The following MDGA2 variants were observed in gnomAD, a reference collection of about 807,000 sequenced individuals.
The protein encoded by MDGA2 is MAM domain containing glycosylphosphatidylinositol anchor 2.
Under a neutral mutation model 117.8 loss-of-function variants are expected in MDGA2, and 40 were observed. The observed-to-expected ratio is 0.34, with a 90% CI of 0.26 to 0.44. The LOEUF is 0.44. Ranked by LOEUF, MDGA2 falls within the 20% of genes least tolerant of loss-of-function variation. The pLI is 1.00. For synonymous variants in MDGA2, 452 were observed against 439.0 expected (o/e 1.03, Z -0.37); for missense variants, 1,123 against 1,250.6 (o/e 0.90, Z 1.54).
chr14:47,142,748 G>A (rs1176310288), intron 4 of MDGA2, among the ~76,000 whole-genome samples: 1 of 152,114 alleles, frequency 6.6e-6, no homozygotes, highest in Non-Finnish European at 1.5e-5. Flanking sequence ...CTGCCTGCTG[G>A]CAGAGAACAC....
intron 1 of MDGA2, among the ~76,000 whole-genome samples, chr14:47,394,642 G>C (rs12896626): frequency 7.2e-5 from 11 of 152,128 alleles, no homozygotes; most frequent in African/African-American, 2.4e-4. Context: ...CTCTATATTT[G>C]TTACTGGTCT....
intron 1 of MDGA2, among the ~76,000 whole-genome samples, chr14:47,445,242 A>G (rs755014684): frequency 6.6e-6 from 1 of 152,128 alleles, no homozygotes; most frequent in Non-Finnish European, 1.5e-5. Context: ...CTGAAGATCA[A>G]TGTTGACTAT....
At chr14:47,555,735 C>G (rs1418493917) in intron 1 of MDGA2, among the ~76,000 whole-genome samples, 2 of 152,162 alleles carry the variant, frequency 1.3e-5, no homozygotes, top group Admixed American at 6.5e-5. Flanking sequence ...ATTAAGTTGA[C>G]AAAAACTCCA....
At chr14:47,447,214 G>C (rs567622889) in intron 1 of MDGA2, among the ~76,000 whole-genome samples, 3 of 152,112 alleles carry the variant, frequency 2.0e-5, no homozygotes, top group African/African-American at 7.2e-5. Context: ...ATACTTTCCC[G>C]CATACCCTAC....
chr14:47,610,528 A>G (rs1235680875), intron 1 of MDGA2, among the ~76,000 whole-genome samples: 7 of 152,090 alleles, frequency 4.6e-5, no homozygotes, highest in African/African-American at 1.4e-4. Flanking sequence ...AACCAAGCGG[A>G]GAATCAAATC....
chr14:47,261,519 G>A (rs912839590), intron 2 of MDGA2, among the ~76,000 whole-genome samples: 3 of 152,148 alleles, frequency 2.0e-5, no homozygotes, highest in South Asian at 2.1e-4. Context: ...TGTTAAAGCA[G>A]ATGGCCTAAG....
At position 47,364,498 on chromosome 14, in the gene MDGA2, T is replaced by C. The variant is rs185209847; in HGVS notation, c.281-62948A>G. Among the ~76,000 whole-genome samples the C allele has an allele frequency of 4.1e-3, 620 of 152,248 alleles. 2 individuals carry two copies. Among genetic ancestry groups the C allele is most frequent in the African/African-American group, 0.014 (597 of 41,570 alleles). On this transcript the variant is annotated intron_variant, in intron 1 of 16. Coordinates refer to ENST00000399232, the MANE Select transcript of MDGA2 (RefSeq NM_001113498.3). ...CCAGAATGGTCTCGATCTCCTGACA[T>C]TGTGATCCACCCGCCTCGGCCTCCC...
At chr14:47,573,123 A>G (rs1955798) in intron 1 of MDGA2, among the ~76,000 whole-genome samples, 113,799 of 151,914 alleles carry the variant, frequency 0.75, 43,027 homozygotes, top group East Asian at 1. Flanking sequence ...GCGTAATCCC[A>G]TAACCAAATA....
At chr14:47,298,576 T>G (rs1286861202) in intron 2 of MDGA2, among the ~76,000 whole-genome samples, 1 of 152,056 alleles carries the variant, frequency 6.6e-6, no homozygotes, top group Admixed American at 6.6e-5. Flanking sequence ...CAGGACCAGC[T>G]GCCAACAGCA....
chr14:46,993,405 T>C (rs1184511943), intron 8 of MDGA2, among the ~76,000 whole-genome samples: 2 of 152,044 alleles, frequency 1.3e-5, no homozygotes, highest in African/African-American at 4.8e-5. Flanking sequence ...CCACTGATGA[T>C]AAATAATACT....
rs142861786 is a variant in MDGA2 at position 46,978,250 on chromosome 14, A to G, written c.1820-20607T>C. Among the ~76,000 whole-genome samples the G allele has an allele frequency of 3.9e-5, 6 of 152,122 alleles. No individual in the cohort carries two copies. In the East Asian group the frequency reaches 9.7e-4, roughly 24 times the overall value. The stretch of plus-strand genomic sequence containing the variant: ...TTTGTCTATTATAACAAAGATAAAC[A>G]TTCAGATGAAAAATATGTTAGGAAC... On this transcript the variant is annotated intron_variant, in intron 8 of 16. Transcript: ENST00000399232.
intron 2 of MDGA2, among the ~76,000 whole-genome samples, chr14:47,236,878 C>T (rs1886882750): frequency 6.6e-6 from 1 of 152,156 alleles, no homozygotes; most frequent in Admixed American, 6.5e-5. Flanking sequence ...TCTAACTTTG[C>T]TTGCAAAATA....
At chr14:47,105,789 C>G (rs1343288464) in intron 5 of MDGA2, among the ~76,000 whole-genome samples, 4 of 151,684 alleles carry the variant, frequency 2.6e-5, no homozygotes, top group Non-Finnish European at 5.9e-5. Context: ...CCCCAAGCAT[C>G]GCTGAGTCTT....
chr14:47,548,856 G>T (rs915183709), intron 1 of MDGA2, among the ~76,000 whole-genome samples: 1 of 151,994 alleles, frequency 6.6e-6, no homozygotes, highest in Non-Finnish European at 1.5e-5. Context: ...GTCCTTTAAA[G>T]TTGTAGTCAG....
chr14:47,023,716 G>T (rs1888375117), intron 8 of MDGA2, among the ~76,000 whole-genome samples: 1 of 152,076 alleles, frequency 6.6e-6, no homozygotes, highest in South Asian at 2.1e-4. Context: ...ATAATTAAAA[G>T]GAATTACTAT....
chr14:47,370,079 T>TTTA (rs1891312889), intron 1 of MDGA2, among the ~76,000 whole-genome samples: 2 of 152,028 alleles, frequency 1.3e-5, no homozygotes, highest in African/African-American at 4.8e-5. Context: ...TTTCGTTTTT[T>TTTA]TCTCAAATGG....
intron 1 of MDGA2, among the ~76,000 whole-genome samples, chr14:47,624,555 A>G (rs1897107245): frequency 6.6e-6 from 1 of 152,252 alleles, no homozygotes; most frequent in Non-Finnish European, 1.5e-5. Context: ...CTGTAAGGAT[A>G]TAAATAGAGC....
chr14:47,178,234 A>AAAACAAG (rs1365824340), intron 3 of MDGA2, among the ~76,000 whole-genome samples: 3 of 152,202 alleles, frequency 2.0e-5, no homozygotes, highest in Non-Finnish European at 2.9e-5. Context: ...TTTCTGGTTT[A>AAAACAAG]AAACAAGAAA....
chr14:47,358,529 T>G (rs755477334), intron 1 of MDGA2, among the ~76,000 whole-genome samples: 6 of 152,128 alleles, frequency 3.9e-5, no homozygotes, highest in Non-Finnish European at 7.4e-5. Context: ...AAATTATCCC[T>G]ATTTGCAGAA....
Sources: gnomAD v4.1 joint callset for allele counts (sites outside exome capture counted in the v4.1 genomes callset) on GRCh38, gnomAD v4.1.1 for gene constraint, MANE v1.5 for transcripts, NCBI Gene and HGNC (gene_info 2026-07-23, HGNC 2026-07-21) for gene names.